MTA1: variants seen among roughly 807,000 people sequenced by gnomAD.
MTA1 encodes the protein metastasis-associated protein MTA1.
A neutral mutation model predicts 97.0 loss-of-function variants in MTA1; 15 were observed. That is an observed-to-expected ratio of 0.15 (90% CI 0.10 to 0.24). The LOEUF is 0.24. Among genes scored for constraint, MTA1 ranks in the 10% least tolerant of loss-of-function variants. The pLI, the probability that MTA1 is intolerant of heterozygous loss-of-function variation, is 1.00. For missense variants in MTA1, 709 were observed against 1,015.1 expected (o/e 0.70, Z 4.10); for synonymous variants, 435 against 417.5 (o/e 1.04, Z -0.51).
At position 105,428,487 on chromosome 14, in the gene MTA1, C is replaced by T. The variant is rs782781051; in HGVS notation, c.28+8424C>T. On this transcript the variant is annotated intron_variant, in intron 1 of 20. Transcript: ENST00000331320. ...TTCGTTATGTTGTCTAGGCTGGTCT[C>T]GAACTCCTGGGCTCAAGCGATCCTC... Among the ~76,000 whole-genome samples, 4 of 152,176 alleles carry T rather than the reference C, an allele frequency of 2.6e-5. No individual in the cohort carries two copies. The East Asian group carries it at 5.8e-4, about 22-fold the overall frequency.
chr14:105,450,375 TC>T, intron 6 of MTA1, 51 bp downstream of exon 6: 1 of 1,568,540 alleles, frequency 6.4e-7, no homozygotes, highest in East Asian at 2.3e-5. Flanking sequence ...GGCCACTGTT[TC>T]CTCTACCTAT....
At chr14:105,447,429 C>T (rs2082753660) in intron 3 of MTA1, among the ~76,000 whole-genome samples, 2 of 152,204 alleles carry the variant, frequency 1.3e-5, no homozygotes, top group African/African-American at 4.8e-5. Flanking sequence ...TTTGAGGGTA[C>T]TGTGGCCCCC....
chr14:105,458,341 A>G lies in MTA1; in HGVS notation c.622A>G (p.Lys208Glu). 1 of 1,612,696 alleles carries G rather than the reference A, an allele frequency of 6.2e-7. No individual in the cohort carries two copies. The highest frequency in any genetic ancestry group is 8.5e-7 in the Non-Finnish European group (1 of 1,179,918). The change falls in exon 8 of 21, where the codon AAG becomes GAG. Residue 208 changes from lysine (K) to glutamate (E), a missense_variant. Around this residue, in one of 2 missense-constraint regions of MTA1, gnomAD observed 321 missense variants for 593.5 expected, o/e 0.54. Transcript: ENST00000331320. ...GGAGGCGCACAACCCACTCACAGACAAGCAGATCGACCAGTTCCTGGTGGT... is the reference window on the plus strand; with the variant it reads ...GGAGGCGCACAACCCACTCACAGACGAGCAGATCGACCAGTTCCTGGTGGT... Reference protein sequence around the residue: ...VWEAHNPLTDKQIDQFLVVAR... With the variant: ...VWEAHNPLTDEQIDQFLVVAR...
intron 1 of MTA1, among the ~76,000 whole-genome samples, chr14:105,429,224 G>A (rs2082100045): frequency 6.6e-6 from 1 of 152,176 alleles, no homozygotes; most frequent in African/African-American, 2.4e-5. Context: ...CGGCACTTCA[G>A]CTTTCTCTCT....
intron 9 of MTA1, 124 bp from the exon 10 acceptor site, chr14:105,460,641 C>A: frequency 8.0e-7 from 1 of 1,249,434 alleles, no homozygotes; most frequent in Non-Finnish European, 1.1e-6. Flanking sequence ...GCTGAGGGTG[C>A]AGGGAGGGTT....
chr14:105,460,994 C>G, intron 10 of MTA1, 41 bp downstream of exon 10: 2 of 1,577,340 alleles, frequency 1.3e-6, no homozygotes, highest in Non-Finnish European at 1.7e-6. Context: ...GCTGGCCATG[C>G]CCATCTCCAG....
rs2081808123 is a variant in MTA1, at chr14:105,420,835, C to T, written c.28+772C>T. On this transcript the variant is annotated intron_variant, in intron 1 of 20. Transcript: ENST00000331320. This position sits in a 1 kb window ranked among gnomAD's most constrained non-coding sequence, Gnocchi z 5.3. Reference sequence around the variant, plus strand: ...GCCTGGGACTCCGTGGGGTCTTTCACAGGAAGGTGGGGGGTCGTGTGCATT... The same window carrying T: ...GCCTGGGACTCCGTGGGGTCTTTCATAGGAAGGTGGGGGGTCGTGTGCATT... 6.6e-6 allele frequency among the ~76,000 whole-genome samples: 1 copy of T among 152,174 alleles called. No homozygotes were observed.
chr14:105,458,725 CAGA>C (rs2083246921), intron 8 of MTA1, among the ~76,000 whole-genome samples: 1 of 152,186 alleles, frequency 6.6e-6, no homozygotes, highest in Non-Finnish European at 1.5e-5. Context: ...GCAGCCCGGG[CAGA>C]CCCCTGGGGC....
chr14:105,461,058 C>A, intron 10 of MTA1, 105 bp downstream of exon 10: 1 of 1,195,434 alleles, frequency 8.4e-7, no homozygotes, highest in Non-Finnish European at 1.2e-6. Flanking sequence ...GGGAGCCTGT[C>A]CTGCACCCTG....
At chr14:105,465,272 CTAGCT>C in intron 16 of MTA1, 89 bp downstream of exon 16, 1 of 1,175,076 alleles carries the variant, frequency 8.5e-7, no homozygotes, top group Non-Finnish European at 1.2e-6. Context: ...CCAGCCTTCT[CTAGCT>C]GGGAGCTCCT....
rs587722658 is a variant in MTA1 at position 105,457,548 on chromosome 14, C to T, written c.551-722C>T. Among the ~76,000 whole-genome samples, 11 of 152,386 alleles carry T rather than the reference C, an allele frequency of 7.2e-5. No homozygotes were observed. The East Asian group carries it at 1.7e-3, about 24-fold the overall frequency. ...GGGGCCAGGAGGGAGCCTGTGCCCC[C>T]AGAAGGTCCCTGGAGGTGGTCTGCC... On this transcript the variant is annotated intron_variant, in intron 7 of 20. Transcript: ENST00000331320.
chr14:105,443,775 C>T (rs1555426341), intron 2 of MTA1, among the ~76,000 whole-genome samples: 2 of 152,136 alleles, frequency 1.3e-5, no homozygotes, highest in African/African-American at 2.4e-5. Flanking sequence ...GGTGAAACCC[C>T]GTCTCTACAA....
At chr14:105,447,948 C>T (rs2082774691) in intron 3 of MTA1, among the ~76,000 whole-genome samples, 1 of 152,314 alleles carries the variant, frequency 6.6e-6, no homozygotes, top group East Asian at 1.9e-4. Flanking sequence ...GGCTCTCCCA[C>T]GTCACTGCCT....
intron 4 of MTA1, 131 bp from the exon 5 acceptor site, chr14:105,449,927 G>T (rs968855560): frequency 2.2e-6 from 3 of 1,339,388 alleles, no homozygotes; most frequent in Non-Finnish European, 3.1e-6. Context: ...GACAGTGTCC[G>T]GCAGCAGGAG....
At position 105,450,063 on chromosome 14, in the gene MTA1, A is replaced by G; in HGVS notation, c.247A>G (p.Ile83Val). 6.2e-7 allele frequency: 1 copy of G among 1,613,540 alleles called. No homozygotes were observed. Among genetic ancestry groups the G allele is most frequent in the Non-Finnish European group, 8.5e-7 (1 of 1,179,872 alleles). The change falls in exon 5 of 21, where the codon ATA (isoleucine) becomes GTA (valine). Residue 83 changes from isoleucine (I) to valine (V), a missense_variant. This residue lies in a region of MTA1 where 321 missense variants were observed against 593.5 expected (regional missense o/e 0.54). Coordinates refer to ENST00000331320, the MANE Select transcript of MTA1 (RefSeq NM_004689.4). ...AGGGGCTCCTTGTCCTTCAGGGGAA[A>G]TAGAAGAGGAAATGGAGAACCCGGA... ...PGADNGEEGEIEEEMENPEMV... is the reference protein window; with the variant it reads ...PGADNGEEGEVEEEMENPEMV...
At chr14:105,429,580 T>C (rs1251638386) in intron 1 of MTA1, among the ~76,000 whole-genome samples, 3 of 150,990 alleles carry the variant, frequency 2.0e-5, no homozygotes, top group African/African-American at 7.3e-5. Context: ...GCCTCCCGAG[T>C]AGCTGGGACT....
Position 105,420,078 on chromosome 14 carries a change from C to T in MTA1, c.28+15C>T. ...CAGGGTCGGAGGTAAGGCCGCACCG[C>T]CTTTATGCCCGGCCCCGACCCGCCC... On this transcript the variant is annotated intron_variant, in intron 1 of 20. Coordinates refer to ENST00000331320, the MANE Select transcript of MTA1 (RefSeq NM_004689.4). This position sits in a 1 kb window ranked among gnomAD's most constrained non-coding sequence, Gnocchi z 5.3. The T allele has an allele frequency of 9.4e-7, 1 of 1,069,300 alleles. No homozygotes were observed. The highest frequency in any genetic ancestry group is 1.1e-6 in the Non-Finnish European group (1 of 877,532). 66.2% of individuals were successfully genotyped at this position (1,069,300 alleles called of 1,614,324 possible).
chr14:105,425,465 G>A (rs1012108797), intron 1 of MTA1, among the ~76,000 whole-genome samples: 19 of 151,978 alleles, frequency 1.3e-4, no homozygotes, highest in Non-Finnish European at 2.2e-4. Flanking sequence ...TTATAGAGGC[G>A]GAGTCTCACT....
chr14:105,469,441 C>T (rs782027328), intron 18 of MTA1, 26 bp from the exon 19 acceptor site: 31 of 1,612,550 alleles, frequency 1.9e-5, no homozygotes, highest in African/African-American at 2.7e-5. Flanking sequence ...CTCGGGGCCT[C>T]ATTTCTCTCC....
Sources: gnomAD v4.1 joint callset for allele counts (sites outside exome capture counted in the v4.1 genomes callset) on GRCh38, gnomAD v4.1.1 for gene constraint, gnomAD v4.1.1 regional missense constraint, Gnocchi (gnomAD v3.1) non-coding constraint, MANE v1.5 for transcripts, NCBI Gene and HGNC (gene_info 2026-07-23, HGNC 2026-07-21) for gene names.